DCLRE1C: variants seen among roughly 807,000 people sequenced by gnomAD.
DCLRE1C encodes protein artemis.
DCLRE1C carries 47 observed loss-of-function variants against 61.4 expected under a neutral mutation model. The ratio of observed to expected loss-of-function variants is 0.77; its 90% CI spans 0.61 to 0.98. DCLRE1C has a LOEUF of 0.98. DCLRE1C is among the 50% of genes least tolerant of loss of function. The probability of loss-of-function intolerance (pLI) is 0.00; values close to 1 mark genes in which losing one functional copy is unlikely to be tolerated. For missense variants in DCLRE1C, 858 were observed against 816.0 expected (o/e 1.05, Z -0.63); for synonymous variants, 337 against 287.6 (o/e 1.17, Z -1.74).
rs1486139911 is a variant in DCLRE1C, at chr10:14,926,754, T to G, written c.972+89A>C. ...AATGAAACTTACATAGAAACAGAGA[T>G]GCTTCTGAGAGTCAGGGGACTACCT... On this transcript the variant is annotated intron_variant, in intron 11 of 13. Transcript: ENST00000378278. 4 of 1,012,466 alleles carry G rather than the reference T, an allele frequency of 4.0e-6. No homozygotes were observed. The East Asian group carries it at 7.2e-5, about 18-fold the overall frequency. The allele number at this position is 1,012,466 out of a possible 1,614,324, so 62.7% of individuals were successfully genotyped here.
In DCLRE1C at chr10:14,940,391, C is replaced by T. The variant is rs41296966; in HGVS notation, c.247-522G>A. Among the ~76,000 whole-genome samples the T allele has an allele frequency of 8.6e-3, 1,301 of 151,688 alleles. 18 individuals are homozygous for T. Among genetic ancestry groups the T allele is most frequent in the African/African-American group, 0.03 (1,227 of 41,246 alleles). On this transcript the variant is annotated intron_variant, in intron 3 of 13. Transcript: ENST00000378278. ...GCAACCACCGCCTCCTGGGTTCACGCGATTCTCCTGCCTCAGCCTCCCAAG... is the reference window on the plus strand; with the variant it reads ...GCAACCACCGCCTCCTGGGTTCACGTGATTCTCCTGCCTCAGCCTCCCAAG...
At chr10:14,924,009 AC>A (rs1837548013) in intron 11 of DCLRE1C, among the ~76,000 whole-genome samples, 1 of 152,200 alleles carries the variant, frequency 6.6e-6, no homozygotes, top group South Asian at 2.1e-4. Flanking sequence ...ACAGGAAGGA[AC>A]CCCCATCATG....
At chr10:14,910,827 A>C (rs755570575) in intron 13 of DCLRE1C, among the ~76,000 whole-genome samples, 1 of 152,202 alleles carries the variant, frequency 6.6e-6, no homozygotes. Context: ...ATCAGAAACT[A>C]TCTCTCAAGA....
At chr10:14,911,844 A>T (rs1185192807) in intron 13 of DCLRE1C, among the ~76,000 whole-genome samples, 2 of 152,268 alleles carry the variant, frequency 1.3e-5, no homozygotes, top group Admixed American at 6.5e-5. Flanking sequence ...CACATGAAAG[A>T]AAGCTCAACA....
rs1410758902 is a variant in DCLRE1C at position 14,907,413 on chromosome 10, A to C, written c.*995T>G. ...GCTAGTTTGGGGTGGTGTGTTCTAT[A>C]AATGTCAATTTAATCCAGTCGGCTT... On this transcript the variant is annotated 3_prime_UTR_variant, in exon 14 of 14. Transcript: ENST00000378278. Among the ~76,000 whole-genome samples, 1 of 151,716 alleles carries C rather than the reference A, an allele frequency of 6.6e-6. No individual in the cohort carries two copies. The highest frequency in any genetic ancestry group is 1.5e-5 in the Non-Finnish European group (1 of 67,942).
chr10:14,899,881 A>G (rs1466051025), downstream of DCLRE1C, among the ~76,000 whole-genome samples: 1 of 152,226 alleles, frequency 6.6e-6, no homozygotes, highest in Non-Finnish European at 1.5e-5. Context: ...GGTGCCTACC[A>G]AATATTAATA....
At position 14,919,836 on chromosome 10, in the gene DCLRE1C, A is replaced by C. The variant is rs780826321; in HGVS notation, c.1062-4T>G. The C allele has an allele frequency of 2.9e-5, 47 of 1,605,870 alleles. No individual in the cohort carries two copies. The highest frequency in any genetic ancestry group is 3.9e-5 in the Non-Finnish European group (46 of 1,172,630). On this transcript the variant is annotated splice_polypyrimidine_tract_variant and splice_region_variant and intron_variant, in intron 12 of 13. Coordinates refer to ENST00000378278, the MANE Select transcript of DCLRE1C (RefSeq NM_001033855.3). ...AGACCGGCATAAAGGCTTTAAGCTG[A>C]AATGAATCAGAATATTTGATTTTTC...
intron 1 of DCLRE1C, among the ~76,000 whole-genome samples, chr10:14,950,059 G>A (rs887577924): frequency 2.2e-5 from 3 of 138,840 alleles, no homozygotes; most frequent in African/African-American, 2.7e-5. Flanking sequence ...ACAAACAAAC[G>A]GCTGGGCGCG....
rs1834343328 is a variant in DCLRE1C, at chr10:14,905,811, CCT to C, written c.*2595_*2596del. Among the ~76,000 whole-genome samples, 1 of 152,060 alleles carries C rather than the reference CCT, an allele frequency of 6.6e-6. No homozygotes were observed. The highest frequency in any genetic ancestry group is 1.5e-5 in the Non-Finnish European group (1 of 68,018). ...ACCAGTCTGACCAATATGGTGAAAC[CCT>C]GTCTCTACTAAAAATACAAAAATTA... On this transcript the variant is annotated 3_prime_UTR_variant, in exon 14 of 14. Transcript: ENST00000378278.
At position 14,907,847 on chromosome 10, in the gene DCLRE1C, A is replaced by ATTTT. The variant is rs886046838; in HGVS notation, c.*557_*560dup. The ATTTT allele has an allele frequency of 9.3e-6, 1 of 107,502 alleles. No homozygotes were observed. Among genetic ancestry groups the ATTTT allele is most frequent in the African/African-American group, 3.9e-5 (1 of 25,470 alleles). The allele number at this position is 107,502 out of a possible 1,614,324, so 6.7% of individuals were successfully genotyped here. A position where few individuals can be genotyped will look rare whatever the true frequency, so the allele number is the denominator to read the frequency against. Reference sequence around the variant, plus strand: ...TGATACGTATGGGTTTAGTTCTACCATTTTTTTTTCTTTTTTTTTTTTTTT... The same window carrying ATTTT: ...TGATACGTATGGGTTTAGTTCTACCATTTTTTTTTTTTTCTTTTTTTTTTTTTTT... On this transcript the variant is annotated 3_prime_UTR_variant, in exon 14 of 14. Transcript: ENST00000378278.
At position 14,948,770 on chromosome 10, in the gene DCLRE1C, T is replaced by TATATATATATATATATA. The variant is rs1554800030; in HGVS notation, c.161+265_161+266insTATATATATATATATAT. 2.3e-3 allele frequency among the ~76,000 whole-genome samples: 330 copies of TATATATATATATATATA among 143,636 alleles called. 7 individuals carry two copies. Among genetic ancestry groups the TATATATATATATATATA allele is most frequent in the African/African-American group, 8.3e-3 (320 of 38,430 alleles). 94.2% of individuals were successfully genotyped at this position (143,636 alleles called of 152,430 possible). A position where few individuals can be genotyped will look rare whatever the true frequency, so the allele number is the denominator to read the frequency against. On this transcript the variant is annotated intron_variant, in intron 2 of 13. Transcript: ENST00000378278. ...TTTTTAGAGAGTGTATTTGGTAGGA[T>TATATATATATATATATA]TATATATATATATATATATATCAAG... is the stretch of plus-strand genomic sequence containing the variant.
chr10:14,903,037 T>G (rs1045792925), downstream of DCLRE1C: 1 of 152,282 alleles, frequency 6.6e-6, no homozygotes, highest in African/African-American at 2.4e-5. Context: ...ATTAAAACAT[T>G]GGCACCTCAA....
At chr10:14,947,930 G>A (rs1397482892) in intron 2 of DCLRE1C, among the ~76,000 whole-genome samples, 2 of 152,132 alleles carry the variant, frequency 1.3e-5, no homozygotes, top group African/African-American at 2.4e-5. Flanking sequence ...GTGGTGGTGG[G>A]TGCCTGTAAT....
intron 1 of DCLRE1C, 83 bp from the exon 2 acceptor site, chr10:14,949,170 A>G: frequency 1.1e-6 from 1 of 944,132 alleles, no homozygotes; most frequent in East Asian, 2.5e-5. Flanking sequence ...CTTCTTTTTC[A>G]GCTTCAAGAG....
At chr10:14,935,235 G>T (rs918584199) in intron 6 of DCLRE1C, among the ~76,000 whole-genome samples, 3 of 151,992 alleles carry the variant, frequency 2.0e-5, no homozygotes, top group Non-Finnish European at 4.4e-5. Context: ...GGGAGGCCAA[G>T]GGGGGCAGAT....
chr10:14,934,047 A>G (rs1185120195), intron 8 of DCLRE1C, among the ~76,000 whole-genome samples: 4 of 152,054 alleles, frequency 2.6e-5, no homozygotes, highest in East Asian at 1.9e-4. Context: ...GAATGAACAG[A>G]CTGGGAACAC....
downstream of DCLRE1C, chr10:14,901,049 T>A: frequency 6.6e-7 from 1 of 1,521,092 alleles, no homozygotes. Flanking sequence ...ACTAAATCTC[T>A]AGGAAAGTAA....
intron 11 of DCLRE1C, among the ~76,000 whole-genome samples, chr10:14,924,405 G>A (rs1472098615): frequency 6.6e-6 from 1 of 152,204 alleles, no homozygotes; most frequent in Non-Finnish European, 1.5e-5. Context: ...ACAACCTAGA[G>A]GAACTTCAGC....
At chr10:14,918,634 A>T (rs1338560925) in intron 13 of DCLRE1C, among the ~76,000 whole-genome samples, 2 of 151,958 alleles carry the variant, frequency 1.3e-5, no homozygotes, top group East Asian at 1.9e-4. Flanking sequence ...TTTTTTAAAA[A>T]AAAAAAAAAA....
Sources: gnomAD v4.1 joint callset for allele counts (sites outside exome capture counted in the v4.1 genomes callset) on GRCh38, gnomAD v4.1.1 for gene constraint, MANE v1.5 for transcripts, NCBI Gene and HGNC (gene_info 2026-07-23, HGNC 2026-07-21) for gene names.